ATP10D: variants seen among roughly 807,000 people sequenced by gnomAD.
ATP10D encodes the protein ATPase phospholipid transporting 10D (putative), also known as phospholipid-transporting ATPase VD.
In ATP10D, 89 loss-of-function variants were observed where a neutral mutation model predicts 144.8. That is an observed-to-expected ratio of 0.61 (90% CI 0.52 to 0.73). The LOEUF is 0.73. ATP10D is among the 30% of genes least tolerant of loss of function. The probability of loss-of-function intolerance (pLI) is 0.00; values close to 1 mark genes in which losing one functional copy is unlikely to be tolerated. For synonymous variants in ATP10D, 571 were observed against 615.1 expected, an observed-to-expected ratio of 0.93 and a Z score of 1.06; for missense variants, 1,603 against 1,714.8, an observed-to-expected ratio of 0.93 and a Z score of 1.15.
chr4:47,525,735 T>C, intron 5 of ATP10D, 93 bp downstream of exon 5: 1 of 1,059,508 alleles, frequency 9.4e-7, no homozygotes, highest in East Asian at 2.5e-5. Flanking sequence ...GCTTATACCC[T>C]TGTTAAATCA....
chr4:47,491,678 C>G (rs934410756), intron 1 of ATP10D, among the ~76,000 whole-genome samples: 5 of 152,176 alleles, frequency 3.3e-5, no homozygotes, highest in Non-Finnish European at 7.3e-5. Flanking sequence ...CCATATTGAA[C>G]TACTCATTGT....
chr4:47,537,405 A>G (rs1237398751), intron 9 of ATP10D, among the ~76,000 whole-genome samples: 1 of 152,154 alleles, frequency 6.6e-6, no homozygotes, highest in Non-Finnish European at 1.5e-5. Context: ...AAATTTGTAA[A>G]TTCCAAGTTT....
intron 11 of ATP10D, among the ~76,000 whole-genome samples, chr4:47,555,576 C>T (rs548218441): frequency 6.6e-6 from 1 of 152,022 alleles, no homozygotes; most frequent in African/African-American, 2.4e-5. Context: ...AAATACAGCT[C>T]GGTGCTACTA....
Position 47,554,728 on chromosome 4 carries a change from A to G in ATP10D, c.1638A>G (p.Glu546=). 1 of 1,605,996 alleles carries G rather than the reference A, an allele frequency of 6.2e-7. No homozygotes were observed. Among genetic ancestry groups the G allele is most frequent in the Non-Finnish European group, 8.5e-7 (1 of 1,175,654 alleles). The change falls in exon 11 of 23, where the codon GAA becomes GAG. Residue 546 remains glutamate (E), a splice_region_variant and synonymous_variant. Coordinates refer to ENST00000273859, the MANE Select transcript of ATP10D (RefSeq NM_020453.4). Reference sequence around the variant, plus strand: ...ACACTGTCTTATTGGATCTTCAGGAAACAGACGTGGTACCAGACACCAGGC... The same window carrying G: ...ACACTGTCTTATTGGATCTTCAGGAGACAGACGTGGTACCAGACACCAGGC... ...SRQAAFSSPI[E]TDVVPDTRLL... is the part of the protein sequence containing the mutation.
At chr4:47,545,032 TATAAAATGATTGG>T (rs1373022277) in intron 9 of ATP10D, among the ~76,000 whole-genome samples, 1 of 152,176 alleles carries the variant, frequency 6.6e-6, no homozygotes, top group Non-Finnish European at 1.5e-5. Context: ...GGTGGTATAA[TATAAAATGATTGG>T]ATGGCCACTT....
At chr4:47,532,724 GAAC>G (rs1717630764) in intron 5 of ATP10D, among the ~76,000 whole-genome samples, 1 of 152,176 alleles carries the variant, frequency 6.6e-6, no homozygotes, top group Admixed American at 6.5e-5. Flanking sequence ...CTCTAAGGTA[GAAC>G]TGACATCCTC....
chr4:47,488,612 CAA>C (rs56859197), intron 1 of ATP10D, among the ~76,000 whole-genome samples: 36,432 of 91,442 alleles, frequency 0.4, 5,358 homozygotes, highest in Middle Eastern at 0.49. Flanking sequence ...ATATAATAAG[CAA>C]AAAAAAAAAA....
rs142364878 is a variant in ATP10D, at chr4:47,502,939, C to T, written c.-37-9565C>T. Reference sequence around the variant, plus strand: ...CATGTCACTCAGGTGCAGTGGCTTACGCCTGTAATCCCAGTACTTTGGGAG... The same window carrying T: ...CATGTCACTCAGGTGCAGTGGCTTATGCCTGTAATCCCAGTACTTTGGGAG... On this transcript the variant is annotated intron_variant, in intron 1 of 22. Transcript: ENST00000273859. 3.6e-3 allele frequency among the ~76,000 whole-genome samples: 542 copies of T among 152,264 alleles called. 1 individual carries two copies. Among genetic ancestry groups the T allele is most frequent in the Non-Finnish European group, 6.3e-3 (430 of 68,018 alleles).
chr4:47,520,134 C>A (rs975485789), intron 3 of ATP10D, among the ~76,000 whole-genome samples: 7 of 152,178 alleles, frequency 4.6e-5, no homozygotes, highest in Admixed American at 1.3e-4. Context: ...AAATTCCTAA[C>A]CCAAATGTCA....
At chr4:47,513,573 CA>C (rs1205566409) in intron 2 of ATP10D, among the ~76,000 whole-genome samples, 1 of 152,054 alleles carries the variant, frequency 6.6e-6, no homozygotes, top group Non-Finnish European at 1.5e-5. Flanking sequence ...GAGGTGTGAG[CA>C]AAGCATATTT....
chr4:47,581,164 A>G (rs1278185442), intron 20 of ATP10D, among the ~76,000 whole-genome samples: 3 of 152,266 alleles, frequency 2.0e-5, no homozygotes, highest in South Asian at 4.1e-4. Context: ...TTGAGATTCC[A>G]TAAGTAATGT....
intron 21 of ATP10D, among the ~76,000 whole-genome samples, chr4:47,586,284 C>G (rs752405635): frequency 1.3e-5 from 2 of 152,140 alleles, no homozygotes; most frequent in Non-Finnish European, 2.9e-5. Context: ...AATAATATTG[C>G]AAGATATACA....
chr4:47,586,491 A>G (rs1720798084), intron 21 of ATP10D, among the ~76,000 whole-genome samples: 1 of 152,098 alleles, frequency 6.6e-6, no homozygotes, highest in Admixed American at 6.6e-5. Context: ...AGTTTTACAT[A>G]CCCCTTGTAC....
At chr4:47,520,647 C>A (rs1264706663) in intron 3 of ATP10D, among the ~76,000 whole-genome samples, 5 of 152,096 alleles carry the variant, frequency 3.3e-5, no homozygotes, top group Non-Finnish European at 7.4e-5. Context: ...TGGCTCACTG[C>A]AACCTCCACC....
In ATP10D at chr4:47,536,107, G is replaced by T. The variant is rs1034683329; in HGVS notation, c.1015+74G>T. On this transcript the variant is annotated intron_variant, in intron 7 of 22. Coordinates refer to ENST00000273859, the MANE Select transcript of ATP10D (RefSeq NM_020453.4). ...AGTATTTTATTTCAAAATTATATCT[G>T]TGAATATTTGACTTTGGTAAGGTGG... The T allele has an allele frequency of 4.6e-6, 7 of 1,506,418 alleles. No individual in the cohort carries two copies. The African/African-American group carries it at 9.8e-5, about 21-fold the overall frequency. 93.3% of individuals were successfully genotyped at this position (1,506,418 alleles called of 1,614,324 possible).
intron 22 of ATP10D, 24 bp from the exon 23 acceptor site, chr4:47,591,018 C>A: frequency 4.4e-6 from 6 of 1,365,804 alleles, no homozygotes; most frequent in Non-Finnish European, 3.0e-6. Flanking sequence ...GAATTTAATT[C>A]TAATGATGTT....
chr4:47,560,448 C>T (rs987006875), intron 13 of ATP10D, among the ~76,000 whole-genome samples: 1 of 152,100 alleles, frequency 6.6e-6, no homozygotes, highest in African/African-American at 2.4e-5. Context: ...CGAGATCAGG[C>T]CACTGCACTC....
At chr4:47,486,891 C>T (rs1196218847) in intron 1 of ATP10D, among the ~76,000 whole-genome samples, 2 of 151,862 alleles carry the variant, frequency 1.3e-5, no homozygotes, top group African/African-American at 4.8e-5. Context: ...AGTGTTTGAC[C>T]CTGGCTTAGC....
At chr4:47,503,619 G>A (rs62300111) in intron 1 of ATP10D, among the ~76,000 whole-genome samples, 28,330 of 152,136 alleles carry the variant, frequency 0.19, 3,392 homozygotes, top group East Asian at 0.62. Flanking sequence ...TTATAGGGCC[G>A]AGGGCAGTGG....
Sources: gnomAD v4.1 joint callset for allele counts (sites outside exome capture counted in the v4.1 genomes callset) on GRCh38, gnomAD v4.1.1 for gene constraint, MANE v1.5 for transcripts, NCBI Gene and HGNC (gene_info 2026-07-23, HGNC 2026-07-21) for gene names.